The following GRIK1 variants were observed in gnomAD, a reference collection of about 807,000 sequenced individuals.
GRIK1 encodes the protein glutamate ionotropic receptor kainate type subunit 1.
In GRIK1, 69 loss-of-function variants were observed where a neutral mutation model predicts 105.7. The observed-to-expected ratio is 0.65, with a 90% CI of 0.54 to 0.80. The LOEUF (loss-of-function observed/expected upper bound fraction) is 0.80, where lower values mean the gene tolerates loss of function less well. Ranked by LOEUF, GRIK1 falls within the 30% of genes least tolerant of loss-of-function variation. The probability of loss-of-function intolerance (pLI) is 0.00; values close to 1 mark genes in which losing one functional copy is unlikely to be tolerated. For synonymous variants in GRIK1, 438 were observed against 431.3 expected, an observed-to-expected ratio of 1.02 and a Z score of -0.19; for missense variants, 1,109 against 1,167.3, an observed-to-expected ratio of 0.95 and a Z score of 0.73.
At chr21:29,900,783 C>A (rs1250363645) in intron 1 of GRIK1, among the ~76,000 whole-genome samples, 1 of 152,146 alleles carries the variant, frequency 6.6e-6, no homozygotes, top group East Asian at 1.9e-4. Flanking sequence ...CTGGACCAAG[C>A]AGACCTAATA....
intron 3 of GRIK1, among the ~76,000 whole-genome samples, chr21:29,674,287 TTGTGTG>T (rs58544191): frequency 6.9e-6 from 1 of 145,780 alleles, no homozygotes; most frequent in Non-Finnish European, 1.5e-5. Flanking sequence ...GAAGTTACAT[TTGTGTG>T]TGTGTGTGTG....
chr21:29,553,814 G>C (rs1372817091), intron 16 of GRIK1: 27 of 720,154 alleles, frequency 3.7e-5, no homozygotes, highest in Non-Finnish European at 5.4e-5. Flanking sequence ...ACTATGAAAA[G>C]CACATTAAAG....
In GRIK1 at chr21:29,803,676, G is replaced by C. The variant is rs573063367; in HGVS notation, c.119-109613C>G. On this transcript the variant is annotated intron_variant, in intron 1 of 17. Coordinates refer to ENST00000327783, the MANE Select transcript of GRIK1 (RefSeq NM_001330994.2). The stretch of plus-strand genomic sequence containing the variant: ...AACTTCCTAACTCTGTGAATACATG[G>C]TTCAGCTCTGTGCAAATCCACAATT... Among the ~76,000 whole-genome samples, 5 of 152,044 alleles carry C rather than the reference G, an allele frequency of 3.3e-5. No individual in the cohort carries two copies. The South Asian group carries it at 8.3e-4, about 25-fold the overall frequency.
intron 1 of GRIK1, among the ~76,000 whole-genome samples, chr21:29,735,193 A>G (rs2064759062): frequency 6.6e-6 from 1 of 152,232 alleles, no homozygotes; most frequent in Admixed American, 6.5e-5. Context: ...CTAAAAAACT[A>G]TCTGACATAG....
intron 1 of GRIK1, among the ~76,000 whole-genome samples, chr21:29,823,313 T>C (rs1179113953): frequency 6.6e-6 from 1 of 151,952 alleles, no homozygotes; most frequent in Non-Finnish European, 1.5e-5. Context: ...TTTAGTTACC[T>C]TGGCAGGGTA....
chr21:29,892,051 A>G (rs143676703), intron 1 of GRIK1, among the ~76,000 whole-genome samples: 62 of 152,336 alleles, frequency 4.1e-4, no homozygotes, highest in African/African-American at 1.4e-3. Context: ...TTCCATCTTT[A>G]TAGATGAATA....
intron 1 of GRIK1, among the ~76,000 whole-genome samples, chr21:29,873,758 A>AT (rs1483290834): frequency 1.3e-5 from 2 of 152,154 alleles, no homozygotes; most frequent in African/African-American, 2.4e-5. Flanking sequence ...ACAAGTTTAG[A>AT]TTTTATCCTG....
intron 1 of GRIK1, among the ~76,000 whole-genome samples, chr21:29,856,130 A>C (rs916337414): frequency 6.6e-6 from 1 of 152,176 alleles, no homozygotes; most frequent in Non-Finnish European, 1.5e-5. Context: ...ATTGAAAGTC[A>C]GCCCAGTGGT....
chr21:29,756,519 G>A (rs541627942), intron 1 of GRIK1, among the ~76,000 whole-genome samples: 64 of 152,250 alleles, frequency 4.2e-4, no homozygotes, highest in Non-Finnish European at 8.5e-4. Context: ...GTTACAGTGA[G>A]GAGCTCCAGA....
chr21:29,556,869 C>A lies in GRIK1; in HGVS notation c.2357-1567G>T, dbSNP rs375018574. ...AAGAAATTAACATTGAATGTGTAAGCCACTGAAAATTTGCAGATGTTGGTT... is the reference window on the plus strand; with the variant it reads ...AAGAAATTAACATTGAATGTGTAAGACACTGAAAATTTGCAGATGTTGGTT... On this transcript the variant is annotated intron_variant, in intron 15 of 17. Transcript: ENST00000327783. Among the ~76,000 whole-genome samples, 3 of 152,130 alleles carry A rather than the reference C, an allele frequency of 2.0e-5. No homozygotes were observed. In the South Asian group the frequency reaches 6.2e-4, roughly 32 times the overall value.
At chr21:29,680,794 C>G (rs2063357209) in intron 3 of GRIK1, among the ~76,000 whole-genome samples, 1 of 152,134 alleles carries the variant, frequency 6.6e-6, no homozygotes, top group Non-Finnish European at 1.5e-5. Context: ...CATACAAGTG[C>G]TATACAGACA....
chr21:29,554,293 C>T (rs1165311162), intron 16 of GRIK1, among the ~76,000 whole-genome samples: 1 of 152,048 alleles, frequency 6.6e-6, no homozygotes, highest in Non-Finnish European at 1.5e-5. Flanking sequence ...CTATGATGAC[C>T]ATAAACTTTA....
intron 1 of GRIK1, among the ~76,000 whole-genome samples, chr21:29,874,990 A>G (rs778449591): frequency 3.3e-5 from 4 of 119,642 alleles, no homozygotes; most frequent in Non-Finnish European, 5.3e-5. Flanking sequence ...ATCATATATA[A>G]TAGTTTCAGG....
intron 1 of GRIK1, among the ~76,000 whole-genome samples, chr21:29,936,048 T>C (rs566841042): frequency 6.6e-6 from 1 of 152,354 alleles, no homozygotes; most frequent in South Asian, 2.1e-4. Flanking sequence ...ATAGTTTTAA[T>C]TCAATTTATC....
intron 1 of GRIK1, among the ~76,000 whole-genome samples, chr21:29,736,391 G>T (rs1002149687): frequency 1.3e-5 from 2 of 151,882 alleles, no homozygotes; most frequent in Non-Finnish European, 2.9e-5. Flanking sequence ...CTACCACCTG[G>T]CTAACTTTTT....
At chr21:29,710,366 T>A (rs1429146111) in intron 1 of GRIK1, among the ~76,000 whole-genome samples, 3 of 151,734 alleles carry the variant, frequency 2.0e-5, no homozygotes, top group Admixed American at 1.3e-4. Context: ...AATTTTGTCA[T>A]TAGGTTATCT....
chr21:29,653,106 C>A (rs181206618), intron 5 of GRIK1, among the ~76,000 whole-genome samples: 1 of 151,994 alleles, frequency 6.6e-6, no homozygotes, highest in Non-Finnish European at 1.5e-5. Context: ...AAAAGCCAAC[C>A]AGGACAGAAT....
chr21:29,909,271 C>A (rs1015917496), intron 1 of GRIK1, among the ~76,000 whole-genome samples: 1 of 151,826 alleles, frequency 6.6e-6, no homozygotes, highest in African/African-American at 2.4e-5. Flanking sequence ...ACAAGAAAAT[C>A]ATTTTACTGG....
intron 1 of GRIK1, chr21:29,759,016 T>A (rs1379454009): frequency 2.0e-5 from 3 of 153,316 alleles, no homozygotes; most frequent in Non-Finnish European, 4.4e-5. Flanking sequence ...AGGAGGTAGG[T>A]AAGTCCCGAT....
Sources: gnomAD v4.1 joint callset for allele counts (sites outside exome capture counted in the v4.1 genomes callset) on GRCh38, gnomAD v4.1.1 for gene constraint, MANE v1.5 for transcripts, NCBI Gene and HGNC (gene_info 2026-07-23, HGNC 2026-07-21) for gene names.